Variants in SMAD3 observed in about 807,000 individuals in gnomAD.
The protein encoded by SMAD3 is MAD homolog 3.
Under a neutral mutation model 51.8 loss-of-function variants are expected in SMAD3, and 12 were observed. That is an observed-to-expected ratio of 0.23 (90% CI 0.15 to 0.38). SMAD3 has a LOEUF of 0.38. Ranked by LOEUF, SMAD3 falls within the 10% of genes least tolerant of loss-of-function variation. The pLI is 1.00. For missense variants in SMAD3, 294 were observed against 565.6 expected (o/e 0.52, Z 4.87); for synonymous variants, 238 against 227.7 (o/e 1.05, Z -0.41).
intron 1 of SMAD3, among the ~76,000 whole-genome samples, chr15:67,160,359 A>G (rs925444450): frequency 2.6e-5 from 4 of 152,180 alleles, no homozygotes; most frequent in African/African-American, 9.7e-5. Flanking sequence ...GTCCTATCTC[A>G]TTGTAGTTTT....
chr15:67,066,103 G>C lies in SMAD3; in HGVS notation c.-52G>C, dbSNP rs2140188541. 7 of 1,463,052 alleles carry C rather than the reference G, an allele frequency of 4.8e-6. No individual in the cohort carries two copies. The South Asian group carries it at 6.1e-5, about 13-fold the overall frequency. 90.6% of individuals were successfully genotyped at this position (1,463,052 alleles called of 1,614,324 possible). A position where few individuals can be genotyped will look rare whatever the true frequency, so the allele number is the denominator to read the frequency against. On this transcript the variant is annotated 5_prime_UTR_variant, in exon 1 of 9. Coordinates refer to ENST00000327367, the MANE Select transcript of SMAD3 (RefSeq NM_005902.4). ...CCCTCTGCGCCCCCGGCGTCCCGTCGAGCCCAGCCCCGCCGGGGGCGCTCC... is the reference window on the plus strand; with the variant it reads ...CCCTCTGCGCCCCCGGCGTCCCGTCCAGCCCAGCCCCGCCGGGGGCGCTCC...
chr15:67,139,965 A>AG (rs397977801), intron 1 of SMAD3, among the ~76,000 whole-genome samples: 2 of 151,102 alleles, frequency 1.3e-5, no homozygotes, highest in Non-Finnish European at 3.0e-5. Context: ...CTAAAAAAAA[A>AG]TACAGAATTA....
intron 1 of SMAD3, among the ~76,000 whole-genome samples, chr15:67,156,270 T>C (rs1391377260): frequency 6.6e-6 from 1 of 152,168 alleles, no homozygotes; most frequent in South Asian, 2.1e-4. Context: ...ATGTATGCCG[T>C]AGGTTTGGTT....
intron 1 of SMAD3, among the ~76,000 whole-genome samples, chr15:67,077,637 A>G (rs1960199552): frequency 6.6e-6 from 1 of 152,226 alleles, no homozygotes; most frequent in Admixed American, 6.5e-5. Flanking sequence ...TTGGGAGCCT[A>G]GAGGAAGAAC....
chr15:67,191,158 G>T lies in SMAD3; in HGVS notation c.*622G>T. The T allele has an allele frequency of 4.3e-6, 1 of 234,310 alleles. No individual in the cohort carries two copies. The highest frequency in any genetic ancestry group is 6.0e-5 in the East Asian group (1 of 16,718). The allele number at this position is 234,310 out of a possible 1,614,324, so 14.5% of individuals were successfully genotyped here. The stretch of plus-strand genomic sequence containing the variant: ...CCCTCTCAGAACATACTGATTGGGA[G>T]GTGCGTGTTCAGCAGAACCTGCACA... On this transcript the variant is annotated 3_prime_UTR_variant, in exon 9 of 9. Transcript: ENST00000327367.
chr15:67,124,114 AT>A (rs2140245817), intron 1 of SMAD3, among the ~76,000 whole-genome samples: 1 of 152,198 alleles, frequency 6.6e-6, no homozygotes, highest in Admixed American at 6.5e-5. Context: ...TGACCTCCTG[AT>A]TAGCTGGGAC....
intron 1 of SMAD3, among the ~76,000 whole-genome samples, chr15:67,080,933 G>A (rs1960267717): frequency 6.6e-6 from 1 of 152,192 alleles, no homozygotes. Context: ...AGTCTGGAGA[G>A]GGACTTGAGT....
At chr15:67,174,038 A>G (rs1962822696) in intron 5 of SMAD3, among the ~76,000 whole-genome samples, 1 of 152,246 alleles carries the variant, frequency 6.6e-6, no homozygotes, top group African/African-American at 2.4e-5. Flanking sequence ...GCAGATTTGG[A>G]AACCATGAAC....
At chr15:67,085,891 CACACACACATACACAG>C (rs1399474149) in intron 1 of SMAD3, among the ~76,000 whole-genome samples, 6 of 32,472 alleles carry the variant, frequency 1.8e-4, no homozygotes, top group Non-Finnish European at 4.3e-4. Flanking sequence ...CACACACACA[CACACACACATACACAG>C]AGAACAGCTC....
chr15:67,165,330 A>G lies in SMAD3; in HGVS notation c.478A>G (p.Ile160Val). 6.2e-7 allele frequency: 1 copy of G among 1,614,030 alleles called. No homozygotes were observed. Among genetic ancestry groups the G allele is most frequent in the South Asian group, 1.1e-5 (1 of 91,044 alleles). Residue 160 changes from isoleucine (I) to valine (V), a missense_variant, in exon 3 of 9, where the codon ATC (isoleucine) becomes GTC (valine). Coordinates refer to ENST00000327367, the MANE Select transcript of SMAD3 (RefSeq NM_005902.4). ...CCCACTGGACGACTACAGCCATTCC[A>G]TCCCCGAAAACACTAACTTCCCCGC... ...FPPLDDYSHS[I>V]PENTNFPAGI...
At chr15:67,169,637 T>C (rs1251474865) in intron 4 of SMAD3, among the ~76,000 whole-genome samples, 3 of 150,740 alleles carry the variant, frequency 2.0e-5, no homozygotes, top group African/African-American at 7.3e-5. Context: ...TTTTTTTTTT[T>C]TTTTCTGTAG....
In SMAD3 at chr15:67,071,783, G is replaced by A. The variant is rs951522008; in HGVS notation, c.206+5423G>A. Among the ~76,000 whole-genome samples the A allele has an allele frequency of 2.6e-5, 4 of 152,312 alleles. No homozygotes were observed. The South Asian group carries it at 8.3e-4, about 32-fold the overall frequency. ...GCCGAGATCGCGCCACTGCACTCCA[G>A]CCTGGGCGACAGAGCGAGACTCTGT... On this transcript the variant is annotated intron_variant, in intron 1 of 8. Transcript: ENST00000327367.
chr15:67,091,831 C>A (rs572486052), intron 1 of SMAD3, among the ~76,000 whole-genome samples: 2 of 152,136 alleles, frequency 1.3e-5, no homozygotes, highest in Non-Finnish European at 2.9e-5. Flanking sequence ...GGAACTACAT[C>A]AGGTATTTAG....
At chr15:67,071,816 T>C (rs1407888839) in intron 1 of SMAD3, among the ~76,000 whole-genome samples, 1 of 151,856 alleles carries the variant, frequency 6.6e-6, no homozygotes, top group Non-Finnish European at 1.5e-5. Flanking sequence ...TGTCTCAAAA[T>C]AAATAAATAA....
chr15:67,142,090 G>A (rs1024764237), intron 1 of SMAD3, among the ~76,000 whole-genome samples: 1 of 152,188 alleles, frequency 6.6e-6, no homozygotes, highest in Non-Finnish European at 1.5e-5. Flanking sequence ...GAAGAGCTGG[G>A]GCCTGGACCA....
At chr15:67,122,378 T>A (rs1333635971) in intron 1 of SMAD3, among the ~76,000 whole-genome samples, 1 of 152,198 alleles carries the variant, frequency 6.6e-6, no homozygotes, top group Non-Finnish European at 1.5e-5. Context: ...CTGGTTTCTC[T>A]TGGTTTCCTC....
At chr15:67,091,077 C>T (rs552148505) in intron 1 of SMAD3, among the ~76,000 whole-genome samples, 1 of 152,290 alleles carries the variant, frequency 6.6e-6, no homozygotes, top group Non-Finnish European at 1.5e-5. Flanking sequence ...TTAATTGTGC[C>T]CTCTGGAGAG....
chr15:67,185,380 GA>G (rs989583562), intron 7 of SMAD3, among the ~76,000 whole-genome samples: 1 of 152,196 alleles, frequency 6.6e-6, no homozygotes, highest in Admixed American at 6.5e-5. Context: ...TCATGGAGGA[GA>G]AACATCCGGA....
At position 67,160,687 on chromosome 15, in the gene SMAD3, C is replaced by G. The variant is rs192527641; in HGVS notation, c.207-4208C>G. Among the ~76,000 whole-genome samples, 44 of 138,816 alleles carry G rather than the reference C, an allele frequency of 3.2e-4. No homozygotes were observed. The East Asian group carries it at 8.2e-3, about 26-fold the overall frequency. The allele number at this position is 138,816 out of a possible 152,430, so 91.1% of individuals were successfully genotyped here. On this transcript the variant is annotated intron_variant, in intron 1 of 8. Coordinates refer to ENST00000327367, the MANE Select transcript of SMAD3 (RefSeq NM_005902.4). Reference sequence around the variant, plus strand: ...TCGGGAGGCTGAGGCAGGAGAATGGCGTGACCCCAGGAGGTGGAGCTTGCA... The same window carrying G: ...TCGGGAGGCTGAGGCAGGAGAATGGGGTGACCCCAGGAGGTGGAGCTTGCA...
Sources: allele counts gnomAD v4.1 joint callset (sites outside exome capture counted in the v4.1 genomes callset), GRCh38; gene constraint gnomAD v4.1.1; transcripts MANE v1.5; gene names NCBI Gene and HGNC (gene_info 2026-07-23, HGNC 2026-07-21).